Variants in MED15 observed in about 807,000 individuals in gnomAD.
MED15 encodes the protein mediator complex subunit 15.
Under a neutral mutation model 118.7 loss-of-function variants are expected in MED15, and 41 were observed. The observed-to-expected ratio is 0.35, with a 90% CI of 0.27 to 0.45. MED15 has a LOEUF of 0.45. Ranked by LOEUF, MED15 falls within the 20% of genes least tolerant of loss-of-function variation. The pLI, the probability that MED15 is intolerant of heterozygous loss-of-function variation, is 1.00. For synonymous variants in MED15, 436 were observed against 413.9 expected, an observed-to-expected ratio of 1.05 and a Z score of -0.65; for missense variants, 740 against 1,025.5, an observed-to-expected ratio of 0.72 and a Z score of 3.80.
chr22:20,549,913 T>C (rs1356869722), intron 2 of MED15, among the ~76,000 whole-genome samples: 1 of 152,244 alleles, frequency 6.6e-6, no homozygotes, highest in African/African-American at 2.4e-5. Flanking sequence ...TTTGGTGACA[T>C]GGTCCTGAGC....
intron 1 of MED15, among the ~76,000 whole-genome samples, chr22:20,519,588 G>A (rs11912924): frequency 0.11 from 16,236 of 152,100 alleles, 1,252 homozygotes; most frequent in Non-Finnish European, 0.15. Context: ...CTGAGTGGCT[G>A]GGATTACAGG....
At chr22:20,556,776 A>G (rs1156344099) in intron 5 of MED15, among the ~76,000 whole-genome samples, 1 of 152,138 alleles carries the variant, frequency 6.6e-6, no homozygotes, top group Non-Finnish European at 1.5e-5. Flanking sequence ...CCCTCCCTCC[A>G]GCCTTAAGCA....
intron 1 of MED15, among the ~76,000 whole-genome samples, chr22:20,531,231 A>G (rs2054851124): frequency 6.6e-6 from 1 of 152,182 alleles, no homozygotes; most frequent in Admixed American, 6.5e-5. Context: ...CATTCAGATT[A>G]CAAGGACTGG....
At chr22:20,567,173 T>C (rs1218015547) in intron 7 of MED15, among the ~76,000 whole-genome samples, 1 of 152,226 alleles carries the variant, frequency 6.6e-6, no homozygotes, top group Admixed American at 6.5e-5. Context: ...GCTCCGTCAG[T>C]GTCTGGTGGT....
intron 1 of MED15, among the ~76,000 whole-genome samples, chr22:20,536,172 G>A (rs2055073996): frequency 6.6e-6 from 1 of 152,150 alleles, no homozygotes; most frequent in Non-Finnish European, 1.5e-5. Flanking sequence ...CACTGCACCT[G>A]GCCACTTGTT....
intron 1 of MED15, among the ~76,000 whole-genome samples, chr22:20,530,677 CAG>C (rs1261566648): frequency 1.3e-5 from 2 of 152,036 alleles, no homozygotes; most frequent in African/African-American, 2.4e-5. Context: ...AAGGAAGAGT[CAG>C]GGCGTGGAGC....
rs574766858 is a variant in MED15 at position 20,559,543 on chromosome 22, C to T, written c.451+4395C>T. On this transcript the variant is annotated intron_variant, in intron 5 of 17. Coordinates refer to ENST00000263205, the MANE Select transcript of MED15 (RefSeq NM_001003891.3). ...ACTACTGAGAAAAGCCCATCTGGCCCCAACCAAGTTAGCCATCTCATCTGC... is the reference window on the plus strand; with the variant it reads ...ACTACTGAGAAAAGCCCATCTGGCCTCAACCAAGTTAGCCATCTCATCTGC... Among the ~76,000 whole-genome samples, 5 of 152,252 alleles carry T rather than the reference C, an allele frequency of 3.3e-5. No homozygotes were observed. The East Asian group carries it at 7.7e-4, about 23-fold the overall frequency.
intron 1 of MED15, among the ~76,000 whole-genome samples, chr22:20,534,639 C>T (rs77372198): frequency 0.018 from 2,678 of 152,266 alleles, 96 homozygotes; most frequent in African/African-American, 0.062. Context: ...CCTGTGCAGC[C>T]ACTTCTATCA....
At chr22:20,554,773 A>G (rs2146530929) in intron 4 of MED15, 163 bp from the exon 5 acceptor site, 3 of 649,856 alleles carry the variant, frequency 4.6e-6, no homozygotes, top group Non-Finnish European at 7.8e-6. Context: ...CTAGCCATTC[A>G]TATTTGGGAG....
rs531541007 is a variant in MED15 at position 20,583,452 on chromosome 22, A to G, written c.1736+59A>G. The G allele has an allele frequency of 1.9e-6, 3 of 1,582,070 alleles. No individual in the cohort carries two copies. The South Asian group carries it at 3.3e-5, about 18-fold the overall frequency. ...AAGGGCACAGATAGCCCAGCCATGG[A>G]TGGGCACTTGGTGATGATGTGGGTT... On this transcript the variant is annotated intron_variant, in intron 13 of 17. Transcript: ENST00000263205.
At chr22:20,543,360 C>T (rs563684557) in intron 2 of MED15, among the ~76,000 whole-genome samples, 4 of 150,212 alleles carry the variant, frequency 2.7e-5, no homozygotes, top group Admixed American at 6.7e-5. Context: ...TATAGGTGCC[C>T]ACCACCACAC....
At chr22:20,581,494 A>G (rs953148288) in intron 9 of MED15, among the ~76,000 whole-genome samples, 2 of 152,148 alleles carry the variant, frequency 1.3e-5, no homozygotes, top group Admixed American at 1.3e-4. Context: ...GTCTACAGAA[A>G]TGGATGGTCC....
At chr22:20,530,730 C>G (rs1416247467) in intron 1 of MED15, among the ~76,000 whole-genome samples, 1 of 151,742 alleles carries the variant, frequency 6.6e-6, no homozygotes, top group Non-Finnish European at 1.5e-5. Context: ...CAGTTCATGC[C>G]TCATCAACAT....
Position 20,570,447 on chromosome 22 carries a change from A to C in MED15, c.1152+1816A>C, listed in dbSNP as rs1384839846. The stretch of plus-strand genomic sequence containing the variant: ...GACTCTGTCATCCAGGCTGGATTGC[A>C]GTTTTGCGATCTCGGCTCACTGCAA... On this transcript the variant is annotated intron_variant, in intron 8 of 17. Coordinates refer to ENST00000263205, the MANE Select transcript of MED15 (RefSeq NM_001003891.3). Among the ~76,000 whole-genome samples, 21 of 145,104 alleles carry C rather than the reference A, an allele frequency of 1.4e-4. No individual in the cohort carries two copies. The Admixed American group carries it at 1.5e-3, about 10-fold the overall frequency.
At chr22:20,534,927 G>A (rs766555781) in intron 1 of MED15, among the ~76,000 whole-genome samples, 8 of 152,042 alleles carry the variant, frequency 5.3e-5, no homozygotes, top group Admixed American at 1.3e-4. Context: ...CTGCCTCCTC[G>A]CCTCCCTTCA....
intron 5 of MED15, among the ~76,000 whole-genome samples, chr22:20,563,492 T>G (rs1012743252): frequency 1.3e-5 from 2 of 152,242 alleles, no homozygotes; most frequent in Non-Finnish European, 2.9e-5. Flanking sequence ...TGGAGGATGC[T>G]GCAGTGGTTG....
rs2056529550 is a variant in MED15, at chr22:20,568,636, G to A, written c.1152+5G>A. ...ATGGTGGCTCCCGGAGTCCAGGTGA[G>A]GGCCTGGGGGTGGAGGGCTCCATAG... On this transcript the variant is annotated splice_donor_5th_base_variant and intron_variant, in intron 8 of 17. Coordinates refer to ENST00000263205, the MANE Select transcript of MED15 (RefSeq NM_001003891.3). 6.2e-7 allele frequency: 1 copy of A among 1,612,286 alleles called. No individual in the cohort carries two copies.
intron 9 of MED15, chr22:20,582,047 C>T (rs646164): frequency 0.099 from 15,451 of 156,772 alleles, 1,709 homozygotes; most frequent in African/African-American, 0.28. Flanking sequence ...GGCCACCTCA[C>T]TCCAATTAAG....
rs536486648 is a variant in MED15, at chr22:20,560,477, A to G, written c.452-3973A>G. Reference sequence around the variant, plus strand: ...ACGGGGTTTCACCATGTTGGCCAGGATGTTCTCGATCTCCAGACCTTGTGA... The same window carrying G: ...ACGGGGTTTCACCATGTTGGCCAGGGTGTTCTCGATCTCCAGACCTTGTGA... On this transcript the variant is annotated intron_variant, in intron 5 of 17. Transcript: ENST00000263205. Among the ~76,000 whole-genome samples, 423 of 152,108 alleles carry G rather than the reference A, an allele frequency of 2.8e-3. 2 individuals carry two copies. The highest frequency in any genetic ancestry group is 4.2e-3 in the Non-Finnish European group (286 of 67,996).
Sources: allele counts gnomAD v4.1 joint callset (sites outside exome capture counted in the v4.1 genomes callset), GRCh38; gene constraint gnomAD v4.1.1; transcripts MANE v1.5; gene names NCBI Gene and HGNC (gene_info 2026-07-23, HGNC 2026-07-21).